VENTX: variants seen among roughly 807,000 people sequenced by gnomAD.
VENTX encodes the protein homeobox protein VENTX.
A neutral mutation model predicts 10.5 loss-of-function variants in VENTX; 13 were observed. The ratio of observed to expected loss-of-function variants is 1.23; its 90% CI spans 0.80 to 1.96. VENTX has a LOEUF of 1.96. Among genes scored for constraint, VENTX ranks in the 30% most tolerant of loss-of-function variants. The pLI is 0.00. For missense variants in VENTX, 400 were observed against 341.8 expected (o/e 1.17, Z -1.34); for synonymous variants, 177 against 150.4 (o/e 1.18, Z -1.29).
intron 2 of VENTX, 43 bp from the exon 3 acceptor site, chr10:133,239,889 G>A: frequency 6.2e-7 from 1 of 1,607,648 alleles, no homozygotes; most frequent in Non-Finnish European, 8.5e-7. Flanking sequence ...GGGTGGGCTG[G>A]TGGCCTAGTC....
Position 133,241,518 on chromosome 10 carries a change from A to G in VENTX, c.*1212A>G, listed in dbSNP as rs1845934287. The G allele has an allele frequency of 6.6e-6, 1 of 152,266 alleles. No individual in the cohort carries two copies. The highest frequency in any genetic ancestry group is 1.5e-5 in the Non-Finnish European group (1 of 68,064). 9.4% of individuals were successfully genotyped at this position (152,266 alleles called of 1,614,324 possible). A position where few individuals can be genotyped will look rare whatever the true frequency, so the allele number is the denominator to read the frequency against. ...TGACTGCGTGCATGAAACCTGAGAC[A>G]AGTGCAATTCCTTCCATGTCGCCCC... On this transcript the variant is annotated 3_prime_UTR_variant, in exon 3 of 3. Coordinates refer to ENST00000325980, the MANE Select transcript of VENTX (RefSeq NM_014468.4).
Position 133,240,092 on chromosome 10 carries a change from C to T in VENTX, c.563C>T (p.Pro188Leu). The part of the protein sequence containing the change: ...NGLQLLCPWA[P>L]LSGPQALMLP... ...CTGCAGCTGCTGTGCCCTTGGGCAC[C>T]CCTGTCCGGGCCCCAGGCTCTGATG... Residue 188 changes from proline to leucine, a missense_variant, in exon 3 of 3, where the codon CCC becomes CTC. Physicochemically the swap from Pro to Leu is moderately conservative, Grantham distance 98 (BLOSUM62 -3). Transcript: ENST00000325980. 1 of 1,611,134 alleles carries T rather than the reference C, an allele frequency of 6.2e-7. No individual in the cohort carries two copies. Among genetic ancestry groups the T allele is most frequent in the Admixed American group, 1.7e-5 (1 of 60,018 alleles).
rs74164127 is a variant in VENTX at position 133,240,206 on chromosome 10, C to T, written c.677C>T (p.Ala226Val). 1.9e-6 allele frequency: 3 copies of T among 1,610,136 alleles called. No individual in the cohort carries two copies. The highest frequency in any genetic ancestry group is 2.2e-5 in the South Asian group (2 of 90,948). The change falls in exon 3 of 3, where the codon GCG becomes GTG. Residue 226 changes from alanine (A) to valine (V), a missense_variant. Transcript: ENST00000325980. ...AGASCCGQPL[A>V]SHPPTPGRPS... Reference sequence around the variant, plus strand: ...GCTTCCTGCTGCGGGCAGCCTCTGGCGTCCCACCCCCCTACCCCAGGCCGG... The same window carrying T: ...GCTTCCTGCTGCGGGCAGCCTCTGGTGTCCCACCCCCCTACCCCAGGCCGG...
chr10:133,240,067 C>A lies in VENTX; in HGVS notation c.538C>A (p.Leu180Met), dbSNP rs770778761. ...YSTSSGLANG[L>M]QLLCPWAPLS... Reference sequence around the variant, plus strand: ...AACGTCTTCTGGCCTTGCCAATGGCCTGCAGCTGCTGTGCCCTTGGGCACC... The same window carrying A: ...AACGTCTTCTGGCCTTGCCAATGGCATGCAGCTGCTGTGCCCTTGGGCACC... Residue 180 changes from leucine to methionine, a missense_variant, in exon 3 of 3, where the codon CTG (leucine) becomes ATG (methionine). Physicochemically the swap from Leu to Met is conservative, Grantham distance 15. Transcript: ENST00000325980. The A allele has an allele frequency of 6.8e-6, 11 of 1,611,612 alleles. No individual in the cohort carries two copies. The Admixed American group carries it at 1.0e-4, about 15-fold the overall frequency.
rs560914290 is a variant in VENTX at position 133,238,028 on chromosome 10, C to G, written c.114C>G (p.Ala38=). 3.1e-6 allele frequency: 5 copies of G among 1,600,420 alleles called. No individual in the cohort carries two copies. The highest frequency in any genetic ancestry group is 3.4e-5 in the Admixed American group (2 of 59,052). ...GGCCGACCCACACCCCCAGGCCTGC[C>G]GACTTCTCCCTGGGGAGCCTCCCTG... ...CSGPTHTPRP[A]DFSLGSLPGP... The change falls in exon 1 of 3, where the codon GCC becomes GCG. Residue 38 remains alanine (A), a synonymous_variant. Transcript: ENST00000325980.
Position 133,240,237 on chromosome 10 carries a change from G to C in VENTX, c.708G>C (p.Ser236=). 6.2e-7 allele frequency: 1 copy of C among 1,611,422 alleles called. No individual in the cohort carries two copies. Among genetic ancestry groups the C allele is most frequent in the Non-Finnish European group, 8.5e-7 (1 of 1,179,578 alleles). Residue 236 remains serine (S), a synonymous_variant, in exon 3 of 3, where the codon TCG becomes TCC. Coordinates refer to ENST00000325980, the MANE Select transcript of VENTX (RefSeq NM_014468.4). ...ACCCCCCTACCCCAGGCCGGCCTTCGCTGGGACCAGCCCTGTCCACGGGGC... is the reference window on the plus strand; with the variant it reads ...ACCCCCCTACCCCAGGCCGGCCTTCCCTGGGACCAGCCCTGTCCACGGGGC... ...ASHPPTPGRP[S]LGPALSTGPR...
rs997864452 is a variant in VENTX at position 133,241,465 on chromosome 10, T to C, written c.*1159T>C. On this transcript the variant is annotated 3_prime_UTR_variant, in exon 3 of 3. Transcript: ENST00000325980. The stretch of plus-strand genomic sequence containing the variant: ...GCCCCTCCCGGGGAGGACTCCCGCG[T>C]TGATGGACCGTTCTTGGTGCAGACT... 6.6e-6 allele frequency: 1 copy of C among 152,264 alleles called. No homozygotes were observed. Among genetic ancestry groups the C allele is most frequent in the Non-Finnish European group, 1.5e-5 (1 of 68,058 alleles). The allele number at this position is 152,264 out of a possible 1,614,324, so 9.4% of individuals were successfully genotyped here.
In VENTX at chr10:133,241,278, G is replaced by A. The variant is rs1269041129; in HGVS notation, c.*972G>A. ...TGGGCCAGGGAAAGCAGGGCAGCCG[G>A]GACCTGCGGCTGTGCCTGGACTGAA... On this transcript the variant is annotated 3_prime_UTR_variant, in exon 3 of 3. Transcript: ENST00000325980. 1 of 153,624 alleles carries A rather than the reference G, an allele frequency of 6.5e-6. No individual in the cohort carries two copies. The highest frequency in any genetic ancestry group is 1.5e-5 in the Non-Finnish European group (1 of 68,270). The allele number at this position is 153,624 out of a possible 1,614,324, so 9.5% of individuals were successfully genotyped here. A position where few individuals can be genotyped will look rare whatever the true frequency, so the allele number is the denominator to read the frequency against.
rs540219807 is a variant in VENTX, at chr10:133,240,273, G to T, written c.744G>T (p.Leu248=). ...GPALSTGPRG[L]CAMPQTGDAF ...CCCTGTCCACGGGGCCCCGGGGCCT[G>T]TGTGCTATGCCACAGACGGGGGATG... Residue 248 remains leucine, a synonymous_variant, in exon 3 of 3, where the codon CTG becomes CTT. Coordinates refer to ENST00000325980, the MANE Select transcript of VENTX (RefSeq NM_014468.4). The T allele has an allele frequency of 6.9e-6, 11 of 1,601,172 alleles. No individual in the cohort carries two copies. In the East Asian group the frequency reaches 1.1e-4, roughly 16 times the overall value.
At chr10:133,238,566 G>A (rs538721342) in intron 1 of VENTX, among the ~76,000 whole-genome samples, 1 of 151,574 alleles carries the variant, frequency 6.6e-6, no homozygotes, top group African/African-American at 2.4e-5. Flanking sequence ...GCCGGTGCCT[G>A]CTCAGCGTCT....
At position 133,240,258 on chromosome 10, in the gene VENTX, G is replaced by C. The variant is rs771105339; in HGVS notation, c.729G>C (p.Thr243=). ...GRPSLGPALS[T]GPRGLCAMPQ... is the part of the protein sequence containing the mutation. Reference sequence around the variant, plus strand: ...CTTCGCTGGGACCAGCCCTGTCCACGGGGCCCCGGGGCCTGTGTGCTATGC... The same window carrying C: ...CTTCGCTGGGACCAGCCCTGTCCACCGGGCCCCGGGGCCTGTGTGCTATGC... The change falls in exon 3 of 3, where the codon ACG becomes ACC. Residue 243 remains threonine (T), a synonymous_variant. Coordinates refer to ENST00000325980, the MANE Select transcript of VENTX (RefSeq NM_014468.4). 4 of 1,605,262 alleles carry C rather than the reference G, an allele frequency of 2.5e-6. No homozygotes were observed. The Admixed American group carries it at 6.8e-5, about 27-fold the overall frequency.
intron 1 of VENTX, among the ~76,000 whole-genome samples, chr10:133,239,061 A>T (rs1476368719): frequency 1.3e-5 from 2 of 152,212 alleles, no homozygotes; most frequent in Non-Finnish European, 2.9e-5. Context: ...TTTGTAAAAT[A>T]CGCTTCCTTC....
At position 133,238,045 on chromosome 10, in the gene VENTX, G is replaced by C; in HGVS notation, c.131G>C (p.Ser44Thr). The part of the protein sequence containing the change: ...TPRPADFSLG[S>T]LPGPGQTSGA... Reference sequence around the variant, plus strand: ...AGGCCTGCCGACTTCTCCCTGGGGAGCCTCCCTGGCCCAGGCCAGACATCC... The same window carrying C: ...AGGCCTGCCGACTTCTCCCTGGGGACCCTCCCTGGCCCAGGCCAGACATCC... The change falls in exon 1 of 3, where the codon AGC becomes ACC. Residue 44 changes from serine to threonine, a missense_variant. Ser to Thr is a moderately conservative substitution (Grantham distance 58). Coordinates refer to ENST00000325980, the MANE Select transcript of VENTX (RefSeq NM_014468.4). 2 of 1,599,960 alleles carry C rather than the reference G, an allele frequency of 1.3e-6. No homozygotes were observed. Among genetic ancestry groups the C allele is most frequent in the Non-Finnish European group, 1.7e-6 (2 of 1,175,270 alleles).
Position 133,239,837 on chromosome 10 carries a change from G to T in VENTX, c.402+1G>T. On this transcript the variant is annotated splice_donor_variant, in intron 2 of 2. Transcript: ENST00000325980. LOFTEE classifies it high-confidence loss of function. ...GGAGATGCAGCTCTCAGAGGTCCAG[G>T]TGAGGTGGGCCGGGCAGGCTGGGGT... 6.2e-7 allele frequency: 1 copy of T among 1,603,024 alleles called. No individual in the cohort carries two copies. Among genetic ancestry groups the T allele is most frequent in the Non-Finnish European group, 8.5e-7 (1 of 1,174,824 alleles).
In VENTX at chr10:133,240,272, T is replaced by A. The variant is rs763177601; in HGVS notation, c.743T>A (p.Leu248Gln). ...GCCCTGTCCACGGGGCCCCGGGGCCTGTGTGCTATGCCACAGACGGGGGAT... is the reference window on the plus strand; with the variant it reads ...GCCCTGTCCACGGGGCCCCGGGGCCAGTGTGCTATGCCACAGACGGGGGAT... ...GPALSTGPRGLCAMPQTGDAF is the reference protein window; with the variant it reads ...GPALSTGPRGQCAMPQTGDAF The change falls in exon 3 of 3, where the codon CTG becomes CAG. Residue 248 changes from leucine to glutamine, a missense_variant. Leu to Gln is a moderately radical substitution (Grantham distance 113). Transcript: ENST00000325980. 1.6e-5 allele frequency: 25 copies of A among 1,601,088 alleles called. No homozygotes were observed. The highest frequency in any genetic ancestry group is 1.0e-5 in the Non-Finnish European group (12 of 1,172,820).
intron 2 of VENTX, 41 bp downstream of exon 2, chr10:133,239,877 A>AGGGGTGGGC: frequency 6.2e-7 from 1 of 1,607,020 alleles, no homozygotes; most frequent in South Asian, 1.1e-5. Context: ...AGGGGTGGGC[A>AGGGGTGGGC]AGGGTGGGCT....
rs1379302570 is a variant in VENTX, at chr10:133,237,893, C to T, written c.-22C>T. 1.3e-6 allele frequency: 2 copies of T among 1,563,040 alleles called. No homozygotes were observed. The highest frequency in any genetic ancestry group is 1.2e-5 in the South Asian group (1 of 85,072). ...CGCCTGGCCAGCCCCGCCTGGCCTT[C>T]CCTCCGGCCCACCTGGCCGCCATGC... On this transcript the variant is annotated 5_prime_UTR_variant, in exon 1 of 3. Transcript: ENST00000325980.
intron 1 of VENTX, among the ~76,000 whole-genome samples, chr10:133,238,765 TCAC>T (rs1372230577): frequency 6.6e-6 from 1 of 152,264 alleles, no homozygotes; most frequent in Non-Finnish European, 1.5e-5. Context: ...TGTGACATCA[TCAC>T]CACTTTTAGG....
intron 1 of VENTX, among the ~76,000 whole-genome samples, chr10:133,239,445 CGGAGG>C (rs1351793221): frequency 3.3e-5 from 5 of 152,170 alleles, no homozygotes; most frequent in African/African-American, 1.2e-4. Context: ...GTGGACTGAG[CGGAGG>C]GCAGGCCCAA....
Sources: allele counts gnomAD v4.1 joint callset (sites outside exome capture counted in the v4.1 genomes callset), GRCh38; gene constraint gnomAD v4.1.1; transcripts MANE v1.5; gene names NCBI Gene and HGNC (gene_info 2026-07-23, HGNC 2026-07-21).